The following ARID2 variants were observed in gnomAD, a reference collection of about 807,000 sequenced individuals.
ARID2 encodes the protein AT-rich interactive domain-containing protein 2.
In ARID2, 32 loss-of-function variants were observed where a neutral mutation model predicts 184.6. That is an observed-to-expected ratio of 0.17 (90% confidence interval 0.13 to 0.23). The LOEUF (loss-of-function observed/expected upper bound fraction) is 0.23. ARID2 is among the 10% of genes least tolerant of loss of function. The pLI, the probability that ARID2 is intolerant of heterozygous loss-of-function variation, is 1.00. For missense variants in ARID2, 1,696 were observed against 2,197.6 expected, an observed-to-expected ratio of 0.77 and a Z score of 4.56; for synonymous variants, 836 against 772.6, an observed-to-expected ratio of 1.08 and a Z score of -1.36.
chr12:45,794,561 G>A (rs1942353553), intron 3 of ARID2, among the ~76,000 whole-genome samples: 1 of 152,156 alleles, frequency 6.6e-6, no homozygotes, highest in Admixed American at 6.5e-5. Flanking sequence ...CCTGGACTCA[G>A]CGTTAGGAAA....
intron 3 of ARID2, among the ~76,000 whole-genome samples, chr12:45,767,319 G>T (rs1480033657): frequency 1.3e-5 from 2 of 151,922 alleles, no homozygotes; most frequent in African/African-American, 4.8e-5. Context: ...TTTTCTCTCA[G>T]TCTATGGCTT....
chr12:45,901,234 G>C (rs533763769), intron 20 of ARID2, among the ~76,000 whole-genome samples: 1 of 118,404 alleles, frequency 8.4e-6, no homozygotes, highest in South Asian at 2.9e-4. Flanking sequence ...GCAGTGGCAC[G>C]ATCTTGGCTC....
intron 3 of ARID2, among the ~76,000 whole-genome samples, chr12:45,785,666 AT>A (rs1254140213): frequency 6.6e-6 from 1 of 152,164 alleles, no homozygotes; most frequent in African/African-American, 2.4e-5. Context: ...AGTATTTTGA[AT>A]TTTCAGATTA....
At chr12:45,900,523 A>C (rs947311164) in intron 20 of ARID2, among the ~76,000 whole-genome samples, 9 of 152,048 alleles carry the variant, frequency 5.9e-5, no homozygotes, top group African/African-American at 1.9e-4. Flanking sequence ...CCTCTGTCAA[A>C]TTTTCATTTT....
chr12:45,853,494 A>T (rs1167312780), intron 15 of ARID2, among the ~76,000 whole-genome samples: 3 of 152,018 alleles, frequency 2.0e-5, no homozygotes, highest in South Asian at 4.1e-4. Context: ...TATTCCTGCT[A>T]TTCCCTTTTT....
At position 45,729,867 on chromosome 12, in the gene ARID2, G is replaced by C. The variant is rs1167789611; in HGVS notation, c.31G>C (p.Asp11His). Residue 11 changes from aspartate to histidine, a missense_variant, in exon 1 of 21, where the codon GAC (aspartate) becomes CAC (histidine). This residue lies in a region of ARID2 where 54 missense variants were observed against 59.9 expected (regional missense o/e 0.90). Transcript: ENST00000334344. ...AAACTCGACGGGGAAGGCGCCTCCG[G>C]ACGAGCGGAGAAAGGGACTCGCTTT... MANSTGKAPP[D>H]ERRKGLAFLD... The C allele has an allele frequency of 6.2e-7, 1 of 1,611,578 alleles. No homozygotes were observed.
chr12:45,837,287 CAT>C lies in ARID2; in HGVS notation c.1024-32_1024-31del, dbSNP rs748512909. 6.7e-6 allele frequency: 10 copies of C among 1,499,734 alleles called. No homozygotes were observed. The South Asian group carries it at 1.2e-4, about 18-fold the overall frequency. The allele number at this position is 1,499,734 out of a possible 1,614,324, so 92.9% of individuals were successfully genotyped here. On this transcript the variant is annotated intron_variant, in intron 8 of 20. Coordinates refer to ENST00000334344, the MANE Select transcript of ARID2 (RefSeq NM_152641.4). ...TTGAAGTATACAACTCTGGAAGAAG[CAT>C]AGCTCAATAATAGTGTTGTTTCTTT...
At chr12:45,904,542 T>G in intron 20 of ARID2, 1 of 438,722 alleles carries the variant, frequency 2.3e-6, no homozygotes, top group Non-Finnish European at 4.1e-6. Context: ...AATACAAAAA[T>G]TAGCTGGGCG....
intron 3 of ARID2, among the ~76,000 whole-genome samples, chr12:45,773,195 A>G (rs376210860): frequency 7.9e-5 from 12 of 152,140 alleles, no homozygotes; most frequent in East Asian, 3.8e-4. Flanking sequence ...GGAAAATACT[A>G]TGAGATTAAT....
chr12:45,761,017 G>C (rs938100252), intron 3 of ARID2, among the ~76,000 whole-genome samples: 1 of 152,060 alleles, frequency 6.6e-6, no homozygotes, highest in Non-Finnish European at 1.5e-5. Context: ...GTGAGCCATT[G>C]TTCCTGGCCT....
rs1212941812 is a variant in ARID2, at chr12:45,730,109, G to A, written c.158G>A (p.Arg53Lys). 1.2e-6 allele frequency: 2 copies of A among 1,613,668 alleles called. No homozygotes were observed. Among genetic ancestry groups the A allele is most frequent in the East Asian group, 4.5e-5 (2 of 44,798 alleles). Residue 53 changes from arginine (R) to lysine (K), a missense_variant, in exon 2 of 21, where the codon AGA (arginine) becomes AAA (lysine). This residue lies in a region of ARID2 where 148 missense variants were observed against 285.4 expected (regional missense o/e 0.52). Transcript: ENST00000334344. The part of the protein sequence containing the change: ...KELDLHGLYT[R>K]VTTLGGFAKV... ...CTGGATCTTCACGGTCTCTACACCA[G>A]AGTCACTACTTTAGGCGGATTCGCG...
Position 45,785,391 on chromosome 12 carries a change from C to T in ARID2, c.285-26027C>T, listed in dbSNP as rs371076625. ...TTTCATTATATTAAATGAGAGGATT[C>T]GGTTAGGATTGATGTTTTCCATAAG... On this transcript the variant is annotated intron_variant, in intron 3 of 20. Coordinates refer to ENST00000334344, the MANE Select transcript of ARID2 (RefSeq NM_152641.4). Among the ~76,000 whole-genome samples, 185 of 152,216 alleles carry T rather than the reference C, an allele frequency of 1.2e-3. 7 individuals are homozygous for T. In the South Asian group the frequency reaches 0.037, roughly 30 times the overall value.
chr12:45,852,224 A>C lies in ARID2; in HGVS notation c.4101A>C (p.Gly1367=). The C allele has an allele frequency of 1.2e-6, 2 of 1,614,120 alleles. No individual in the cohort carries two copies. Among genetic ancestry groups the C allele is most frequent in the Non-Finnish European group, 8.5e-7 (1 of 1,180,002 alleles). The part of the protein sequence containing the change: ...LVNGICDFDK[G]DGSHLSKNIP... ...ATGGAATCTGTGATTTTGATAAAGG[A>C]GATGGTTCTCATTTAAGCAAAAACA... is the stretch of plus-strand genomic sequence containing the variant. Residue 1367 remains glycine, a synonymous_variant, in exon 15 of 21, where the codon GGA becomes GGC. Transcript: ENST00000334344.
chr12:45,846,829 A>G, intron 11 of ARID2, 27 bp from the exon 12 acceptor site: 1 of 1,607,094 alleles, frequency 6.2e-7, no homozygotes, highest in Non-Finnish European at 8.5e-7. Flanking sequence ...TTAAGAAATG[A>G]TGTAGCTAAT....
intron 16 of ARID2, among the ~76,000 whole-genome samples, chr12:45,867,033 C>T (rs1309218754): frequency 6.6e-6 from 1 of 152,008 alleles, no homozygotes; most frequent in Non-Finnish European, 1.5e-5. Context: ...TCACTGCAAC[C>T]TCCACCTCCC....
At chr12:45,790,597 TATAAC>T (rs1320755633) in intron 3 of ARID2, among the ~76,000 whole-genome samples, 1 of 152,234 alleles carries the variant, frequency 6.6e-6, no homozygotes, top group Non-Finnish European at 1.5e-5. Context: ...TATGTAGAAA[TATAAC>T]ATTGTATGCA....
At chr12:45,762,067 C>T (rs1941693422) in intron 3 of ARID2, among the ~76,000 whole-genome samples, 1 of 152,038 alleles carries the variant, frequency 6.6e-6, no homozygotes, top group Admixed American at 6.6e-5. Context: ...CTTTGTATTT[C>T]TGATATTTTT....
chr12:45,737,803 A>G (rs1374178792), intron 3 of ARID2, among the ~76,000 whole-genome samples: 1 of 152,170 alleles, frequency 6.6e-6, no homozygotes, highest in Non-Finnish European at 1.5e-5. Context: ...TCAGGGTTAC[A>G]TCCAGAACAA....
At position 45,899,671 on chromosome 12, in the gene ARID2, T is replaced by TTATATATATATATGGTTATA. The variant is rs375466100; in HGVS notation, c.5364-5256_5364-5255insATATATGGTTATATATATAT. 5.2e-3 allele frequency among the ~76,000 whole-genome samples: 233 copies of TTATATATATATATGGTTATA among 45,120 alleles called. 11 individuals carry two copies. The highest frequency in any genetic ancestry group is 0.01 in the Non-Finnish European group (196 of 19,340). 29.6% of individuals were successfully genotyped at this position (45,120 alleles called of 152,430 possible). A position where few individuals can be genotyped will look rare whatever the true frequency, so the allele number is the denominator to read the frequency against. ...TATTTGGTTATATATATATATATGG[T>TTATATATATATATGGTTATA]TATATATGGTTATATATATATGGTT... On this transcript the variant is annotated intron_variant, in intron 20 of 20. Coordinates refer to ENST00000334344, the MANE Select transcript of ARID2 (RefSeq NM_152641.4).
Sources: allele counts gnomAD v4.1 joint callset (sites outside exome capture counted in the v4.1 genomes callset), GRCh38; gene constraint gnomAD v4.1.1; regional missense constraint gnomAD v4.1.1; transcripts MANE v1.5; gene names NCBI Gene and HGNC (gene_info 2026-07-23, HGNC 2026-07-21).